The following CMTM8 variants were observed in gnomAD, a reference collection of about 807,000 sequenced individuals.
The protein encoded by CMTM8 is CKLF like MARVEL transmembrane domain containing 8.
Under a neutral mutation model 18.6 loss-of-function variants are expected in CMTM8, and 12 were observed. That is an observed-to-expected ratio of 0.65 (90% CI 0.41 to 1.05). The LOEUF is 1.05. CMTM8 is among the 50% of genes least tolerant of loss of function. The probability of loss-of-function intolerance (pLI) is 0.00; values close to 1 mark genes in which losing one functional copy is unlikely to be tolerated. For synonymous variants in CMTM8, 87 were observed against 90.6 expected, an observed-to-expected ratio of 0.96 and a Z score of 0.23; for missense variants, 217 against 227.2, an observed-to-expected ratio of 0.95 and a Z score of 0.29.
At chr3:32,321,500 ACT>A (rs1403412737) in intron 1 of CMTM8, among the ~76,000 whole-genome samples, 1 of 151,892 alleles carries the variant, frequency 6.6e-6, no homozygotes, top group Admixed American at 6.6e-5. Flanking sequence ...GACCCCCCAG[ACT>A]CCATTTGTTG....
intron 2 of CMTM8, among the ~76,000 whole-genome samples, chr3:32,361,586 G>A (rs1252069568): frequency 6.6e-6 from 1 of 152,154 alleles, no homozygotes; most frequent in African/African-American, 2.4e-5. Flanking sequence ...CTGGGAACTT[G>A]TCTGGGAGAC....
chr3:32,338,739 AAATGT>A (rs1696436224), intron 1 of CMTM8, among the ~76,000 whole-genome samples: 1 of 152,190 alleles, frequency 6.6e-6, no homozygotes. Context: ...AATTACCCCT[AAATGT>A]AATAGCCTAA....
intron 1 of CMTM8, among the ~76,000 whole-genome samples, chr3:32,273,768 G>T (rs995721795): frequency 1.3e-5 from 2 of 152,102 alleles, no homozygotes; most frequent in Non-Finnish European, 2.9e-5. Flanking sequence ...GATAGTTGTG[G>T]TAGTTACATA....
At chr3:32,242,198 G>A (rs1158770125) in intron 1 of CMTM8, among the ~76,000 whole-genome samples, 2 of 152,222 alleles carry the variant, frequency 1.3e-5, no homozygotes, top group African/African-American at 2.4e-5. Flanking sequence ...ATGGAAATTT[G>A]CACCTTTCAG....
intron 1 of CMTM8, among the ~76,000 whole-genome samples, chr3:32,319,425 C>T (rs184417324): frequency 2.0e-3 from 311 of 151,994 alleles, no homozygotes; most frequent in African/African-American, 7.4e-3. Flanking sequence ...TCCTCCTCCT[C>T]CTCCCCTCCC....
At chr3:32,295,468 A>G in intron 1 of CMTM8, among the ~76,000 whole-genome samples, 1 of 142,082 alleles carries the variant, frequency 7.0e-6, no homozygotes, top group East Asian at 2.0e-4. Context: ...AAAAAAAAAA[A>G]AAAAAAAAAA....
In CMTM8 at chr3:32,295,475, AAAACAAAAC is replaced by A. The variant is rs1253600368; in HGVS notation, c.147+56360_147+56368del. Among the ~76,000 whole-genome samples, 42 of 99,084 alleles carry A rather than the reference AAAACAAAAC, an allele frequency of 4.2e-4. 4 individuals are homozygous for A. The highest frequency in any genetic ancestry group is 2.7e-3 in the South Asian group (8 of 2,986). 65.0% of individuals were successfully genotyped at this position (99,084 alleles called of 152,430 possible). On this transcript the variant is annotated intron_variant, in intron 1 of 3. Transcript: ENST00000307526. ...CATCTCAAAAAAAAAAAAAAAAAAA[AAAACAAAAC>A]AAAACAGCGGAAAGAGAAAATCCCT...
At chr3:32,346,978 G>A (rs147748749) in intron 1 of CMTM8, among the ~76,000 whole-genome samples, 3 of 151,090 alleles carry the variant, frequency 2.0e-5, no homozygotes, top group African/African-American at 7.3e-5. Context: ...GCACCACCAT[G>A]CCTGGCTTGC....
chr3:32,368,072 G>A, intron 3 of CMTM8, 84 bp downstream of exon 3: 1 of 922,266 alleles, frequency 1.1e-6, no homozygotes, highest in Non-Finnish European at 1.8e-6. Context: ...GTCATCTGCA[G>A]GAAAAAGCAG....
In CMTM8 at chr3:32,361,289, T is replaced by TGTTTTTTTTTGTTTTTTG. The variant is rs1553608175; in HGVS notation, c.321+3743_321+3744insGTTTTTTTTTGTTTTTTG. Among the ~76,000 whole-genome samples the TGTTTTTTTTTGTTTTTTG allele has an allele frequency of 8.3e-5, 12 of 143,744 alleles. No homozygotes were observed. In the South Asian group the frequency reaches 2.5e-3, roughly 30 times the overall value. The allele number at this position is 143,744 out of a possible 152,430, so 94.3% of individuals were successfully genotyped here. A position where few individuals can be genotyped will look rare whatever the true frequency, so the allele number is the denominator to read the frequency against. On this transcript the variant is annotated intron_variant, in intron 2 of 3. Coordinates refer to ENST00000307526, the MANE Select transcript of CMTM8 (RefSeq NM_178868.5). ...AGCCACGGCGCCCAGCCTAAGAGTT[T>TGTTTTTTTTTGTTTTTTG]TTTTTTCTTTCAAATTTTGGAAAGG...
intron 1 of CMTM8, among the ~76,000 whole-genome samples, chr3:32,277,887 G>A (rs1702543582): frequency 6.6e-6 from 1 of 152,212 alleles, no homozygotes; most frequent in African/African-American, 2.4e-5. Context: ...CCCTCTGCAT[G>A]TAAGAGTGTT....
intron 3 of CMTM8, 151 bp downstream of exon 3, chr3:32,368,139 T>G: frequency 1.6e-6 from 1 of 631,894 alleles, no homozygotes; most frequent in South Asian, 1.9e-5. Context: ...TATCTAAAAC[T>G]GGCAGGGGGC....
chr3:32,366,031 A>G (rs894000945), intron 2 of CMTM8, among the ~76,000 whole-genome samples: 1 of 151,402 alleles, frequency 6.6e-6, no homozygotes, highest in Non-Finnish European at 1.5e-5. Context: ...TCATCTCTCC[A>G]CTTATTTTCA....
intron 1 of CMTM8, among the ~76,000 whole-genome samples, chr3:32,356,405 C>T (rs1276719479): frequency 6.6e-6 from 1 of 152,220 alleles, no homozygotes; most frequent in Non-Finnish European, 1.5e-5. Flanking sequence ...ATACCTTGCT[C>T]TAGCCTTCCT....
At chr3:32,366,211 C>A (rs560177777) in intron 2 of CMTM8, among the ~76,000 whole-genome samples, 1 of 152,268 alleles carries the variant, frequency 6.6e-6, no homozygotes, top group South Asian at 2.1e-4. Flanking sequence ...AATGCCCCTG[C>A]CTTCTACTCA....
chr3:32,361,104 C>A (rs1418474671), intron 2 of CMTM8, among the ~76,000 whole-genome samples: 1 of 152,166 alleles, frequency 6.6e-6, no homozygotes, highest in African/African-American at 2.4e-5. Flanking sequence ...GCCTCAGCCT[C>A]CCGCGTAGCT....
chr3:32,368,336 GTTTT>G (rs1205639973), intron 3 of CMTM8, among the ~76,000 whole-genome samples: 1 of 151,734 alleles, frequency 6.6e-6, no homozygotes, highest in Non-Finnish European at 1.5e-5. Flanking sequence ...ATTCCATTTA[GTTTT>G]TTTTAAGTGA....
chr3:32,289,342 G>C (rs953905288), intron 1 of CMTM8, among the ~76,000 whole-genome samples: 3 of 152,206 alleles, frequency 2.0e-5, no homozygotes, highest in African/African-American at 7.2e-5. Flanking sequence ...CCTCAAGTTT[G>C]AGAATGAACT....
intron 1 of CMTM8, among the ~76,000 whole-genome samples, chr3:32,281,001 CT>C (rs1168526463): frequency 1.3e-5 from 2 of 152,214 alleles, no homozygotes; most frequent in East Asian, 3.9e-4. Flanking sequence ...ATCTTCCTGA[CT>C]CTAAATGGTA....
Sources: gnomAD v4.1 joint callset for allele counts (sites outside exome capture counted in the v4.1 genomes callset) on GRCh38, gnomAD v4.1.1 for gene constraint, MANE v1.5 for transcripts, NCBI Gene and HGNC (gene_info 2026-07-23, HGNC 2026-07-21) for gene names.